STPG2: variants seen among roughly 807,000 people sequenced by gnomAD.
STPG2 encodes sperm-tail PG-rich repeat-containing protein 2.
Under a neutral mutation model 54.2 loss-of-function variants are expected in STPG2, and 56 were observed. The ratio of observed to expected loss-of-function variants is 1.03; its 90% confidence interval spans 0.83 to 1.29. STPG2 has a LOEUF of 1.29. STPG2 is among the 50% of genes most tolerant of loss of function. STPG2 has a pLI of 0.00. For missense variants in STPG2, 596 were observed against 544.9 expected, an observed-to-expected ratio of 1.09 and a Z score of -0.93; for synonymous variants, 200 against 181.8, an observed-to-expected ratio of 1.10 and a Z score of -0.81.
intron 5 of STPG2, among the ~76,000 whole-genome samples, chr4:98,059,255 T>C (rs1345078340): frequency 6.6e-6 from 1 of 152,044 alleles, no homozygotes; most frequent in African/African-American, 2.4e-5. Context: ...AAGAGACGGA[T>C]AAATTTCTGG....
chr4:97,536,135 C>A (rs975036848), intron 4 of STPG2, among the ~76,000 whole-genome samples: 1 of 152,130 alleles, frequency 6.6e-6, no homozygotes, highest in African/African-American at 2.4e-5. Context: ...GCCACCATGC[C>A]TGCAAAATTA....
At chr4:97,742,547 G>GTA (rs1199779392) in intron 9 of STPG2, among the ~76,000 whole-genome samples, 1 of 143,016 alleles carries the variant, frequency 7.0e-6, no homozygotes, top group Admixed American at 7.3e-5. Context: ...GTGTGTGTGT[G>GTA]TGTGTGTGTG....
intron 4 of STPG2, among the ~76,000 whole-genome samples, chr4:97,521,352 G>C (rs1731176895): frequency 6.6e-6 from 1 of 151,988 alleles, no homozygotes; most frequent in Non-Finnish European, 1.5e-5. Flanking sequence ...TAATTGATTG[G>C]AAACTACTCA....
intron 4 of STPG2, among the ~76,000 whole-genome samples, chr4:97,464,955 G>T (rs187350429): frequency 6.6e-6 from 1 of 152,096 alleles, no homozygotes; most frequent in Non-Finnish European, 1.5e-5. Flanking sequence ...AATTGTATTA[G>T]GTTAAGTTCT....
chr4:97,779,848 G>A (rs1459556740), intron 9 of STPG2, among the ~76,000 whole-genome samples: 2 of 152,076 alleles, frequency 1.3e-5, no homozygotes, highest in African/African-American at 4.8e-5. Context: ...ATAAGTGAAG[G>A]AGAAATAAAA....
intron 8 of STPG2, among the ~76,000 whole-genome samples, chr4:97,905,099 C>T (rs946315215): frequency 2.6e-5 from 4 of 151,758 alleles, no homozygotes; most frequent in African/African-American, 7.3e-5. Context: ...TCAGGAAGTA[C>T]AGAGAACGCC....
chr4:97,590,819 G>A (rs1475117390), intron 10 of STPG2, among the ~76,000 whole-genome samples: 1 of 152,046 alleles, frequency 6.6e-6, no homozygotes, highest in African/African-American at 2.4e-5. Flanking sequence ...CAAGAAATTA[G>A]AGAAGAAAAC....
intron 9 of STPG2, among the ~76,000 whole-genome samples, chr4:97,834,952 G>A (rs1194726740): frequency 6.6e-6 from 1 of 152,008 alleles, no homozygotes; most frequent in East Asian, 1.9e-4. Context: ...AAACCCTTAG[G>A]ATTAAGGGTT....
chr4:98,084,510 T>C (rs1056996706), intron 5 of STPG2, among the ~76,000 whole-genome samples: 1 of 152,220 alleles, frequency 6.6e-6, no homozygotes, highest in African/African-American at 2.4e-5. Flanking sequence ...AGTATGTATA[T>C]TTTAACTTTC....
intron 9 of STPG2, among the ~76,000 whole-genome samples, chr4:97,722,106 A>G (rs1308748767): frequency 6.6e-6 from 1 of 151,900 alleles, no homozygotes; most frequent in Non-Finnish European, 1.5e-5. Context: ...AAAAAAAAAA[A>G]AAGAAGCATA....
At chr4:97,728,179 T>C (rs1320117592) in intron 9 of STPG2, among the ~76,000 whole-genome samples, 1 of 151,984 alleles carries the variant, frequency 6.6e-6, no homozygotes, top group Non-Finnish European at 1.5e-5. Flanking sequence ...AAGAAACTTA[T>C]TCATTTATGT....
chr4:98,134,391 T>C lies in STPG2; in HGVS notation c.178A>G (p.Lys60Glu), dbSNP rs773522227. ...STFTIASSIE[K>E]AVPGPGHYNV... ...TAGTGTCCTGGACCTGGAACAGCTT[T>C]CTCAATGCTAGAGGCAATGGTAAAA... The change falls in exon 2 of 11, where the codon AAA (lysine) becomes GAA (glutamate). Residue 60 changes from lysine (K) to glutamate (E), a missense_variant. Transcript: ENST00000295268. 1 of 1,585,556 alleles carries C rather than the reference T, an allele frequency of 6.3e-7. No homozygotes were observed. Among genetic ancestry groups the C allele is most frequent in the Non-Finnish European group, 8.6e-7 (1 of 1,163,430 alleles).
intron 7 of STPG2, among the ~76,000 whole-genome samples, chr4:97,955,568 T>C (rs983017912): frequency 6.6e-6 from 1 of 152,080 alleles, no homozygotes; most frequent in African/African-American, 2.4e-5. Flanking sequence ...TTCTAACACA[T>C]ATATTTATGA....
intron 5 of STPG2, among the ~76,000 whole-genome samples, chr4:98,098,841 A>G (rs1387737097): frequency 1.3e-5 from 2 of 152,174 alleles, no homozygotes. Context: ...AAAAGAAGAA[A>G]TACAAATGGC....
At chr4:97,500,434 C>G (rs1346927765) in intron 4 of STPG2, among the ~76,000 whole-genome samples, 1 of 151,954 alleles carries the variant, frequency 6.6e-6, no homozygotes, top group Admixed American at 6.6e-5. Context: ...ATTAGACATC[C>G]AAATGGAGAT....
intron 10 of STPG2, among the ~76,000 whole-genome samples, chr4:97,663,571 C>A (rs1722433915): frequency 6.6e-6 from 1 of 152,090 alleles, no homozygotes; most frequent in South Asian, 2.1e-4. Context: ...TCTTTTACAG[C>A]TGAATTAAAA....
At chr4:97,967,331 T>A (rs1046570332) in intron 7 of STPG2, among the ~76,000 whole-genome samples, 1 of 152,108 alleles carries the variant, frequency 6.6e-6, no homozygotes, top group Non-Finnish European at 1.5e-5. Flanking sequence ...TAAATATATA[T>A]GCACCCAATA....
chr4:97,839,800 T>C (rs966405599), intron 9 of STPG2, among the ~76,000 whole-genome samples: 1 of 151,750 alleles, frequency 6.6e-6, no homozygotes, highest in African/African-American at 2.4e-5. Flanking sequence ...CCAAGTATTA[T>C]TTGCTGGATA....
At chr4:97,956,214 T>C (rs568286253) in intron 7 of STPG2, among the ~76,000 whole-genome samples, 1 of 152,190 alleles carries the variant, frequency 6.6e-6, no homozygotes, top group Non-Finnish European at 1.5e-5. Context: ...GTAAAGGTCA[T>C]CCTTCTTATT....
Sources: gnomAD v4.1 joint callset for allele counts (sites outside exome capture counted in the v4.1 genomes callset) on GRCh38, gnomAD v4.1.1 for gene constraint, MANE v1.5 for transcripts, NCBI Gene and HGNC (gene_info 2026-07-23, HGNC 2026-07-21) for gene names.